Variants in SRRM2 observed in about 807,000 individuals in gnomAD.
SRRM2 encodes the protein serine/arginine repetitive matrix 2.
Under a neutral mutation model 213.8 loss-of-function variants are expected in SRRM2, and 30 were observed. The ratio of observed to expected loss-of-function variants is 0.14; its 90% CI spans 0.10 to 0.19. The LOEUF is 0.19. Ranked by LOEUF, SRRM2 falls within the 10% of genes least tolerant of loss-of-function variation. The probability of loss-of-function intolerance (pLI) is 1.00; values close to 1 mark genes in which losing one functional copy is unlikely to be tolerated. For missense variants in SRRM2, 4,904 were observed against 3,647.0 expected (o/e 1.34, Z -8.88); for synonymous variants, 2,025 against 1,377.7 (o/e 1.47, Z -10.40).
intron 6 of SRRM2, 32 bp from the exon 7 acceptor site, chr16:2,759,108 T>C: frequency 6.2e-7 from 1 of 1,614,140 alleles, no homozygotes; most frequent in South Asian, 1.1e-5. Flanking sequence ...CAGAGGTGTT[T>C]CTTATGTTTT....
rs1223980446 is a variant in SRRM2, at chr16:2,766,497, C to T, written c.5969C>T (p.Thr1990Ile). Residue 1990 changes from threonine to isoleucine, a missense_variant, in exon 11 of 15, where the codon ACC (threonine) becomes ATC (isoleucine). Physicochemically the swap from Thr to Ile is moderately conservative, Grantham distance 89. Coordinates refer to ENST00000301740, the MANE Select transcript of SRRM2 (RefSeq NM_016333.4). The surrounding 1 kb of genome is among the most constrained non-coding windows in gnomAD (Gnocchi z 7.0). ...TCAAGATCCAGAACATCTCCGGTCA[C>T]CCGAAGGAGATCTCGATCTCGCACA... ...RRSRSRTSPV[T>I]RRRSRSRTSP... The T allele has an allele frequency of 1.2e-6, 2 of 1,613,934 alleles. No homozygotes were observed. Among genetic ancestry groups the T allele is most frequent in the Middle Eastern group, 1.6e-4 (1 of 6,084 alleles).
rs1441472757 is a variant in SRRM2, at chr16:2,758,566, GA to G, written c.593+20del. 1 of 1,605,520 alleles carries G rather than the reference GA, an allele frequency of 6.2e-7. No individual in the cohort carries two copies. Among genetic ancestry groups the G allele is most frequent in the Non-Finnish European group, 8.5e-7 (1 of 1,172,282 alleles). ...GAGGACGGTAAGTTAGTTGGAAAGT[GA>G]CTCTGATAGCCAGAGGACCAATCCT... is the stretch of plus-strand genomic sequence containing the variant. On this transcript the variant is annotated intron_variant, in intron 5 of 14. Coordinates refer to ENST00000301740, the MANE Select transcript of SRRM2 (RefSeq NM_016333.4).
Position 2,752,653 on chromosome 16 carries a change from G to T in SRRM2, c.-225G>T. 1 of 247,340 alleles carries T rather than the reference G, an allele frequency of 4.0e-6. No individual in the cohort carries two copies. The allele number at this position is 247,340 out of a possible 1,614,324, so 15.3% of individuals were successfully genotyped here. A position where few individuals can be genotyped will look rare whatever the true frequency, so the allele number is the denominator to read the frequency against. On this transcript the variant is annotated 5_prime_UTR_variant, in exon 1 of 15. Transcript: ENST00000301740. ...GCAGTTAGTCGTGCTGACGTGCAGCGCGGCCCAGGCGGGGTGCGAGTGGCG... is the reference window on the plus strand; with the variant it reads ...GCAGTTAGTCGTGCTGACGTGCAGCTCGGCCCAGGCGGGGTGCGAGTGGCG...
At chr16:2,757,691 A>G (rs983887296) in intron 3 of SRRM2, 90 bp from the exon 4 acceptor site, 3 of 1,583,218 alleles carry the variant, frequency 1.9e-6, no homozygotes, top group East Asian at 2.2e-5. Flanking sequence ...TGCCTTTCCC[A>G]TGCCTTATTT....
chr16:2,758,857 T>C, intron 5 of SRRM2, 128 bp from the exon 6 acceptor site: 1 of 961,372 alleles, frequency 1.0e-6, no homozygotes, highest in Non-Finnish European at 1.6e-6. Flanking sequence ...GTCCTGGGCT[T>C]AGGTCTGGGG....
chr16:2,766,588 C>A lies in SRRM2; in HGVS notation c.6060C>A (p.Ser2020=), dbSNP rs1249043223. The part of the protein sequence containing the change: ...TSPVTRRRSR[S]RTPPAIRRRS... ...CAGTGACACGCCGCCGCTCTAGGTC[C>A]CGGACACCTCCAGCTATTCGGCGCC... The change falls in exon 11 of 15, where the codon TCC becomes TCA. Residue 2020 remains serine, a synonymous_variant. Transcript: ENST00000301740. This position sits in a 1 kb window ranked among gnomAD's most constrained non-coding sequence, Gnocchi z 7.0. 1 of 1,614,070 alleles carries A rather than the reference C, an allele frequency of 6.2e-7. No individual in the cohort carries two copies. Among genetic ancestry groups the A allele is most frequent in the Non-Finnish European group, 8.5e-7 (1 of 1,180,012 alleles).
intron 3 of SRRM2, 50 bp downstream of exon 3, chr16:2,757,629 G>C (rs1567220645): frequency 1.9e-6 from 3 of 1,587,400 alleles, no homozygotes; most frequent in Admixed American, 3.5e-5. Flanking sequence ...TCTGGCTGCT[G>C]GCTGCTGCTG....
chr16:2,759,468 A>T lies in SRRM2; in HGVS notation c.740+66A>T, dbSNP rs961271037. On this transcript the variant is annotated intron_variant, in intron 8 of 14. Coordinates refer to ENST00000301740, the MANE Select transcript of SRRM2 (RefSeq NM_016333.4). ...ACGCCACCTTAGTGGGAGGGAGTTG[A>T]ATGAGTTATGTCCCTGACTGGTAAA... The T allele has an allele frequency of 3.1e-6, 5 of 1,598,372 alleles. No homozygotes were observed. The Admixed American group carries it at 8.6e-5, about 27-fold the overall frequency.
Position 2,766,485 on chromosome 16 carries a change from C to T in SRRM2, c.5957C>T (p.Thr1986Ile). ...PITRRRSRSR[T>I]SPVTRRRSRS... The stretch of plus-strand genomic sequence containing the variant: ...ACTCGCAGAAGATCAAGATCCAGAA[C>T]ATCTCCGGTCACCCGAAGGAGATCT... The change falls in exon 11 of 15, where the codon ACA (threonine) becomes ATA (isoleucine). Residue 1986 changes from threonine (T) to isoleucine (I), a missense_variant. Thr to Ile is a moderately conservative substitution (Grantham distance 89, BLOSUM62 -1). Coordinates refer to ENST00000301740, the MANE Select transcript of SRRM2 (RefSeq NM_016333.4). The surrounding 1 kb of genome is among the most constrained non-coding windows in gnomAD (Gnocchi z 7.0). 1.2e-6 allele frequency: 2 copies of T among 1,614,094 alleles called. No homozygotes were observed. The highest frequency in any genetic ancestry group is 1.7e-6 in the Non-Finnish European group (2 of 1,180,020).
chr16:2,763,180 G>T lies in SRRM2; in HGVS notation c.2652G>T (p.Arg884Ser). Residue 884 changes from arginine to serine, a missense_variant, in exon 11 of 15, where the codon AGG (arginine) becomes AGT (serine). Transcript: ENST00000301740. ...CACCTGACCCTGAGTTGAAATCTAG[G>T]ACCCCTTCTAGACATAGCTGCTCAG... The part of the protein sequence containing the change: ...ESSPDPELKS[R>S]TPSRHSCSGS... The T allele has an allele frequency of 6.2e-7, 1 of 1,613,918 alleles. No individual in the cohort carries two copies. The highest frequency in any genetic ancestry group is 8.5e-7 in the Non-Finnish European group (1 of 1,179,986).
At position 2,758,521 on chromosome 16, in the gene SRRM2, G is replaced by A; in HGVS notation, c.567G>A (p.Lys189=). 1.9e-6 allele frequency: 3 copies of A among 1,614,146 alleles called. No individual in the cohort carries two copies. Among genetic ancestry groups the A allele is most frequent in the South Asian group, 1.1e-5 (1 of 91,086 alleles). ...GCTCACCAACCCCAAAGCAGAAGAAGAAGAAAAAGAAGAAAGATAGAGGAC... is the reference window on the plus strand; with the variant it reads ...GCTCACCAACCCCAAAGCAGAAGAAAAAGAAAAAGAAGAAAGATAGAGGAC... ...SSRSPTPKQK[K]KKKKKDRGRR... Residue 189 remains lysine, a synonymous_variant, in exon 5 of 15, where the codon AAG becomes AAA. Transcript: ENST00000301740.
Position 2,755,336 on chromosome 16 carries a change from A to G in SRRM2, c.-31-998A>G, listed in dbSNP as rs114404817. Among the ~76,000 whole-genome samples, 1,336 of 152,230 alleles carry G rather than the reference A, an allele frequency of 8.8e-3. 18 individuals are homozygous for G. Among genetic ancestry groups the G allele is most frequent in the African/African-American group, 0.03 (1,238 of 41,530 alleles). Reference sequence around the variant, plus strand: ...GCAGGGCTGAGAGAGAAAAACTAGGAAGTGCTATCCAGGGGATTGGTGGGG... The same window carrying G: ...GCAGGGCTGAGAGAGAAAAACTAGGGAGTGCTATCCAGGGGATTGGTGGGG... On this transcript the variant is annotated intron_variant, in intron 1 of 14. Transcript: ENST00000301740.
Position 2,766,868 on chromosome 16 carries a change from A to G in SRRM2, c.6340A>G (p.Met2114Val). 1 of 1,614,186 alleles carries G rather than the reference A, an allele frequency of 6.2e-7. No individual in the cohort carries two copies. The highest frequency in any genetic ancestry group is 8.5e-7 in the Non-Finnish European group (1 of 1,180,048). The part of the protein sequence containing the change: ...TPPVALNSSR[M>V]SCFSRPSMSP... ...TCCAGTAGCACTCAACAGTTCCAGAATGAGCTGCTTCAGTCGTCCTAGCAT... is the reference window on the plus strand; with the variant it reads ...TCCAGTAGCACTCAACAGTTCCAGAGTGAGCTGCTTCAGTCGTCCTAGCAT... The change falls in exon 11 of 15, where the codon ATG becomes GTG. Residue 2114 changes from methionine (M) to valine (V), a missense_variant. Coordinates refer to ENST00000301740, the MANE Select transcript of SRRM2 (RefSeq NM_016333.4). The surrounding 1 kb of genome is among the most constrained non-coding windows in gnomAD (Gnocchi z 7.0).
At position 2,759,489 on chromosome 16, in the gene SRRM2, G is replaced by A. The variant is rs548087176; in HGVS notation, c.741-80G>A. On this transcript the variant is annotated intron_variant, in intron 8 of 14. Transcript: ENST00000301740. ...GTTGAATGAGTTATGTCCCTGACTG[G>A]TAAAGGGTTGAGGGATACGTGAGGA... is the stretch of plus-strand genomic sequence containing the variant. The A allele has an allele frequency of 3.0e-4, 485 of 1,601,124 alleles. 2 individuals are homozygous for A. Among genetic ancestry groups the A allele is most frequent in the Admixed American group, 4.9e-4 (29 of 59,776 alleles).
Position 2,769,174 on chromosome 16 carries a change from C to A in SRRM2, c.7911C>A (p.Ser2637=). Residue 2637 remains serine, a synonymous_variant, in exon 12 of 15, where the codon TCC becomes TCA. Coordinates refer to ENST00000301740, the MANE Select transcript of SRRM2 (RefSeq NM_016333.4). ...SSSSSSSSSS[S]SSSSSSSSSS... is the part of the protein sequence containing the mutation. ...CCTCCTCTTCCTCTTCTTCTTCTTC[C>A]TCCTCATCTTCCTCCTCCTCGTCGT... is the stretch of plus-strand genomic sequence containing the variant. The A allele has an allele frequency of 6.2e-7, 1 of 1,610,852 alleles. No homozygotes were observed.
chr16:2,757,193 G>A (rs150350528), intron 2 of SRRM2, among the ~76,000 whole-genome samples: 4 of 152,290 alleles, frequency 2.6e-5, no homozygotes, highest in Non-Finnish European at 5.9e-5. Flanking sequence ...GCACATTCTT[G>A]TTGAAGTTGG....
At position 2,768,121 on chromosome 16, in the gene SRRM2, G is replaced by T. The variant is rs934420744; in HGVS notation, c.7593G>T (p.Arg2531=). ...LAALQPAKER[R]SSSSSSSSSS... is the part of the protein sequence containing the mutation. ...CCCTGCAGCCAGCAAAGGAGCGGCG[G>T]AGTTCCTCCTCGTCGTCGTCGTCCT... The change falls in exon 11 of 15, where the codon CGG becomes CGT. Residue 2531 remains arginine, a synonymous_variant. Coordinates refer to ENST00000301740, the MANE Select transcript of SRRM2 (RefSeq NM_016333.4). The T allele has an allele frequency of 7.4e-6, 12 of 1,614,036 alleles. No homozygotes were observed. The highest frequency in any genetic ancestry group is 1.0e-5 in the Non-Finnish European group (12 of 1,180,010).
chr16:2,753,999 T>C (rs978029093), intron 1 of SRRM2, among the ~76,000 whole-genome samples: 1 of 152,224 alleles, frequency 6.6e-6, no homozygotes, highest in South Asian at 2.1e-4. Flanking sequence ...ACTCGGATAA[T>C]TTCCCAACAG....
chr16:2,753,234 C>G (rs949621518), intron 1 of SRRM2, among the ~76,000 whole-genome samples: 1 of 152,222 alleles, frequency 6.6e-6, no homozygotes, highest in East Asian at 1.9e-4. Flanking sequence ...GGGGCTTGCT[C>G]CTGGACCCTT....
Sources: allele counts gnomAD v4.1 joint callset (sites outside exome capture counted in the v4.1 genomes callset), GRCh38; gene constraint gnomAD v4.1.1; non-coding constraint Gnocchi (gnomAD v3.1); transcripts MANE v1.5; gene names NCBI Gene and HGNC (gene_info 2026-07-23, HGNC 2026-07-21).